Variants in ARHGAP17 observed in about 807,000 individuals in gnomAD.
The protein encoded by ARHGAP17 is Rho GTPase activating protein 17, also known as rho GTPase-activating protein 17.
ARHGAP17 carries 57 observed loss-of-function variants against 99.5 expected under a neutral mutation model. The observed-to-expected ratio is 0.57, with a 90% CI of 0.46 to 0.71. The LOEUF (loss-of-function observed/expected upper bound fraction) is 0.71. ARHGAP17 is among the 30% of genes least tolerant of loss of function. ARHGAP17 has a pLI of 0.00. For synonymous variants in ARHGAP17, 417 were observed against 429.6 expected (o/e 0.97, Z 0.36); for missense variants, 1,000 against 1,122.4 (o/e 0.89, Z 1.56).
chr16:24,973,947 G>A (rs901286219), intron 3 of ARHGAP17, among the ~76,000 whole-genome samples: 21 of 152,230 alleles, frequency 1.4e-4, no homozygotes, highest in Non-Finnish European at 2.5e-4. Context: ...GGCACAGGGT[G>A]TGAACGGGAA....
chr16:24,990,437 G>A (rs576100503), intron 1 of ARHGAP17, among the ~76,000 whole-genome samples: 14 of 151,790 alleles, frequency 9.2e-5, no homozygotes, highest in Non-Finnish European at 1.8e-4. Context: ...AGTGAGCCAC[G>A]ATCGTGCCAC....
chr16:24,988,080 C>G (rs1182336805), intron 1 of ARHGAP17, among the ~76,000 whole-genome samples: 1 of 152,152 alleles, frequency 6.6e-6, no homozygotes, highest in Non-Finnish European at 1.5e-5. Context: ...CAAAATCCAC[C>G]TGAGCCTCTG....
At chr16:24,928,756 C>T (rs1466492531) in intron 19 of ARHGAP17, among the ~76,000 whole-genome samples, 1 of 152,158 alleles carries the variant, frequency 6.6e-6, no homozygotes, top group African/African-American at 2.4e-5. Context: ...ATGATGAGGG[C>T]CTTATGCTGT....
intron 1 of ARHGAP17, among the ~76,000 whole-genome samples, chr16:24,985,158 A>G (rs9673850): frequency 0.024 from 3,570 of 151,848 alleles, 120 homozygotes; most frequent in African/African-American, 0.08. Flanking sequence ...GCTAGAGGCC[A>G]GGATGCTACT....
At chr16:24,984,351 CTCAGCACCT>C (rs2052792265) in intron 1 of ARHGAP17, among the ~76,000 whole-genome samples, 1 of 152,202 alleles carries the variant, frequency 6.6e-6, no homozygotes, top group Non-Finnish European at 1.5e-5. Flanking sequence ...CAGCGGCAAG[CTCAGCACCT>C]TCCTGCCACT....
intron 16 of ARHGAP17, among the ~76,000 whole-genome samples, chr16:24,940,529 C>T (rs1184287012): frequency 2.0e-5 from 3 of 152,028 alleles, no homozygotes; most frequent in African/African-American, 4.8e-5. Flanking sequence ...CCTGTCTCTA[C>T]AAAAAACTAT....
At position 24,939,404 on chromosome 16, in the gene ARHGAP17, C is replaced by G; in HGVS notation, c.1684G>C (p.Ala562Pro). 1 of 1,610,624 alleles carries G rather than the reference C, an allele frequency of 6.2e-7. No homozygotes were observed. The highest frequency in any genetic ancestry group is 8.5e-7 in the Non-Finnish European group (1 of 1,179,794). Residue 562 changes from alanine (A) to proline (P), a missense_variant, in exon 17 of 20, where the codon GCG (alanine) becomes CCG (proline). Physicochemically the swap from Ala to Pro is conservative, Grantham distance 27. Around this residue, in one of 2 missense-constraint regions of ARHGAP17, gnomAD observed 528 missense variants for 511.4 expected, o/e 1.03. Transcript: ENST00000289968. ...SSGGGTVPSS[A>P]GILEQGPSPG... ...CTCGGCCCCTGCTCCAGTATGCCCG[C>G]GGAAGAGGGGACAGTCCCACCCCCA... is the stretch of plus-strand genomic sequence containing the variant.
At chr16:24,930,241 C>T (rs928269118) in intron 19 of ARHGAP17, among the ~76,000 whole-genome samples, 2 of 152,184 alleles carry the variant, frequency 1.3e-5, no homozygotes, top group African/African-American at 2.4e-5. Context: ...TGAGATCTCC[C>T]TTCTGGAGCA....
intron 19 of ARHGAP17, among the ~76,000 whole-genome samples, chr16:24,927,107 C>G (rs1597356439): frequency 1.3e-5 from 2 of 152,092 alleles, no homozygotes; most frequent in East Asian, 3.9e-4. Flanking sequence ...CCCGTCTCTA[C>G]TAAAAATAAA....
chr16:24,957,098 G>C (rs77081356), intron 9 of ARHGAP17: 1 of 152,550 alleles, frequency 6.6e-6, no homozygotes, highest in East Asian at 1.9e-4. Flanking sequence ...CAGGGGAAGA[G>C]AGGATGACAG....
intron 7 of ARHGAP17, among the ~76,000 whole-genome samples, chr16:24,961,911 T>TTTTATATATATA (rs1555463987): frequency 1.5e-5 from 2 of 130,030 alleles, no homozygotes; most frequent in Admixed American, 1.6e-4. Context: ...CATAGGAATT[T>TTTTATATATATA]TATATATATA....
At chr16:25,004,042 T>A (rs988925285) in intron 1 of ARHGAP17, among the ~76,000 whole-genome samples, 1 of 151,594 alleles carries the variant, frequency 6.6e-6, no homozygotes, top group East Asian at 1.9e-4. Flanking sequence ...AAAAAAAAAA[T>A]ATTAAGTTAA....
At chr16:24,947,625 C>T (rs1374237696) in intron 13 of ARHGAP17, 30 bp from the exon 14 acceptor site, 13 of 1,570,374 alleles carry the variant, frequency 8.3e-6, no homozygotes, top group South Asian at 1.1e-5. Flanking sequence ...GGGAGGGTTT[C>T]TCCTCTGAAA....
chr16:24,997,564 T>C (rs1012117348), intron 1 of ARHGAP17, among the ~76,000 whole-genome samples: 4 of 152,022 alleles, frequency 2.6e-5, no homozygotes, highest in African/African-American at 9.7e-5. Flanking sequence ...TGGAGGAGAA[T>C]CTGAAGAGTC....
chr16:24,974,752 G>A (rs796850819), intron 3 of ARHGAP17, among the ~76,000 whole-genome samples: 7 of 152,344 alleles, frequency 4.6e-5, no homozygotes, highest in African/African-American at 1.7e-4. Flanking sequence ...CTTGCATTAA[G>A]GCCAAGGTGG....
At chr16:24,980,892 T>A (rs935563769) in intron 1 of ARHGAP17, among the ~76,000 whole-genome samples, 2 of 152,146 alleles carry the variant, frequency 1.3e-5, no homozygotes, top group African/African-American at 4.8e-5. Flanking sequence ...CTTCCTTCTG[T>A]AAGTACGAGT....
chr16:24,973,990 A>T (rs1028362946), intron 3 of ARHGAP17, among the ~76,000 whole-genome samples: 1 of 152,218 alleles, frequency 6.6e-6, no homozygotes, highest in Non-Finnish European at 1.5e-5. Context: ...ATAAGGAGAA[A>T]TGGAATCAGC....
At chr16:24,966,680 A>T (rs1274422926) in intron 6 of ARHGAP17, among the ~76,000 whole-genome samples, 3 of 151,570 alleles carry the variant, frequency 2.0e-5, no homozygotes, top group Non-Finnish European at 4.4e-5. Context: ...GCTACTCGAG[A>T]GGCTGAGGCA....
At position 25,015,307 on chromosome 16, in the gene ARHGAP17, C is replaced by G. The variant is rs964266568; in HGVS notation, c.-46G>C. On this transcript the variant is annotated 5_prime_UTR_variant, in exon 1 of 20. Coordinates refer to ENST00000289968, the MANE Select transcript of ARHGAP17 (RefSeq NM_001006634.3). ...CCCGCGGGGCTCGGGCCGGGCAGGG[C>G]GGGGGACAGCCTGGCAGCTACTACA... 1 of 1,285,176 alleles carries G rather than the reference C, an allele frequency of 7.8e-7. No homozygotes were observed. The highest frequency in any genetic ancestry group is 9.9e-7 in the Non-Finnish European group (1 of 1,011,584). The allele number at this position is 1,285,176 out of a possible 1,614,324, so 79.6% of individuals were successfully genotyped here.
Sources: gnomAD v4.1 joint callset for allele counts (sites outside exome capture counted in the v4.1 genomes callset) on GRCh38, gnomAD v4.1.1 for gene constraint, gnomAD v4.1.1 regional missense constraint, MANE v1.5 for transcripts, NCBI Gene and HGNC (gene_info 2026-07-23, HGNC 2026-07-21) for gene names.